The following STK32A variants were observed in gnomAD, a reference collection of about 807,000 sequenced individuals.
STK32A encodes serine/threonine kinase 32A, also known as serine/threonine-protein kinase 32A.
Under a neutral mutation model 53.2 loss-of-function variants are expected in STK32A, and 41 were observed. That is an observed-to-expected ratio of 0.77 (90% CI 0.60 to 1.00). STK32A has a LOEUF of 1.00. STK32A is among the 50% of genes least tolerant of loss of function. STK32A has a pLI of 0.00. For synonymous variants in STK32A, 166 were observed against 162.8 expected (o/e 1.02, Z -0.15); for missense variants, 458 against 485.8 (o/e 0.94, Z 0.54).
At chr5:147,263,848 G>C (rs1021119704) in intron 2 of STK32A, among the ~76,000 whole-genome samples, 5 of 152,106 alleles carry the variant, frequency 3.3e-5, no homozygotes. Context: ...TAAGTTTTCA[G>C]ATTAAAGGAG....
chr5:147,349,187 C>CT (rs1169989103), intron 6 of STK32A, among the ~76,000 whole-genome samples: 2 of 152,044 alleles, frequency 1.3e-5, no homozygotes, highest in Non-Finnish European at 2.9e-5. Context: ...GAGTGGCTAC[C>CT]TTTTTTTTAG....
At chr5:147,249,827 C>A (rs1255936332) in intron 2 of STK32A, among the ~76,000 whole-genome samples, 1 of 147,956 alleles carries the variant, frequency 6.8e-6, no homozygotes, top group East Asian at 2.0e-4. Flanking sequence ...GCAGGAGAAT[C>A]CCTTGAACCC....
chr5:147,333,444 G>A (rs1053915015), intron 5 of STK32A, among the ~76,000 whole-genome samples: 1 of 152,108 alleles, frequency 6.6e-6, no homozygotes, highest in Non-Finnish European at 1.5e-5. Flanking sequence ...TGACAGAGAG[G>A]CTATTTGCAT....
intron 2 of STK32A, among the ~76,000 whole-genome samples, chr5:147,277,487 A>T (rs76786483): frequency 0.03 from 4,523 of 152,260 alleles, 241 homozygotes; most frequent in African/African-American, 0.1. Context: ...TTCTGCACAC[A>T]TATCCATTCT....
chr5:147,263,161 C>T (rs1211731370), intron 2 of STK32A, among the ~76,000 whole-genome samples: 1 of 152,134 alleles, frequency 6.6e-6, no homozygotes, highest in Non-Finnish European at 1.5e-5. Flanking sequence ...CCACTTGGCT[C>T]TGATAATACT....
At chr5:147,328,602 C>A (rs1030845782) in intron 5 of STK32A, among the ~76,000 whole-genome samples, 3 of 152,042 alleles carry the variant, frequency 2.0e-5, no homozygotes, top group Non-Finnish European at 4.4e-5. Context: ...CAAAGAATGG[C>A]CAGTTTGAAG....
intron 6 of STK32A, among the ~76,000 whole-genome samples, chr5:147,346,866 G>C (rs1210778367): frequency 6.6e-6 from 1 of 152,150 alleles, no homozygotes; most frequent in East Asian, 1.9e-4. Flanking sequence ...ATACCATCCT[G>C]TTACAAGGAA....
intron 4 of STK32A, among the ~76,000 whole-genome samples, chr5:147,314,511 AAAAAACAAAAAAAAAC>A (rs1561713401): frequency 6.2e-4 from 6 of 9,612 alleles, no homozygotes; most frequent in African/African-American, 1.8e-3. Flanking sequence ...AAAAAACAAA[AAAAAACAAAAAAAAAC>A]AAAAAAAAAA....
intron 4 of STK32A, among the ~76,000 whole-genome samples, chr5:147,281,451 T>C (rs1752059774): frequency 6.6e-6 from 1 of 151,982 alleles, no homozygotes; most frequent in African/African-American, 2.4e-5. Flanking sequence ...ACTTTAAAAA[T>C]TGCAAAATGC....
At chr5:147,398,927 T>C in the STK32A span, among the ~76,000 whole-genome samples, 1 of 152,206 alleles carries the variant, frequency 6.6e-6, no homozygotes, top group Non-Finnish European at 1.5e-5. Flanking sequence ...AGAAACACAG[T>C]TGAGGTTTTG....
chr5:147,315,129 T>A (rs116857195), intron 4 of STK32A, among the ~76,000 whole-genome samples: 3 of 152,312 alleles, frequency 2.0e-5, no homozygotes, highest in East Asian at 3.9e-4. Flanking sequence ...ATAGTGGGAA[T>A]GTAATGTGGT....
the STK32A span, chr5:147,400,743 C>T: frequency 5.0e-6 from 8 of 1,614,178 alleles, no homozygotes; most frequent in Admixed American, 1.3e-4. Context: ...CATTGGTGCC[C>T]TCAGGAATGG....
intron 4 of STK32A, among the ~76,000 whole-genome samples, chr5:147,295,384 C>A (rs1213250761): frequency 6.6e-6 from 1 of 152,176 alleles, no homozygotes; most frequent in Admixed American, 6.5e-5. Context: ...CAAGTTATTT[C>A]TTTGTTAATC....
chr5:147,395,991 C>A, the STK32A span, among the ~76,000 whole-genome samples: 1 of 151,902 alleles, frequency 6.6e-6, no homozygotes, highest in Non-Finnish European at 1.5e-5. Context: ...TTGGGGTTGC[C>A]AGAGGGAGGA....
chr5:147,399,286 T>C, the STK32A span: 12 of 1,599,200 alleles, frequency 7.5e-6, no homozygotes, highest in East Asian at 2.0e-4. Flanking sequence ...TCTATATCTA[T>C]AGCTACATAT....
chr5:147,333,803 C>T (rs529186675), intron 5 of STK32A, among the ~76,000 whole-genome samples: 40 of 152,162 alleles, frequency 2.6e-4, no homozygotes, highest in East Asian at 5.8e-4. Flanking sequence ...TCTTATATAA[C>T]GCAAACATTA....
At chr5:147,276,623 C>A (rs1323840573) in intron 2 of STK32A, among the ~76,000 whole-genome samples, 2 of 152,084 alleles carry the variant, frequency 1.3e-5, no homozygotes, top group Non-Finnish European at 2.9e-5. Flanking sequence ...ACTACCTAAG[C>A]CAGGAATTTT....
At chr5:147,316,179 T>C (rs1010647078) in intron 4 of STK32A, among the ~76,000 whole-genome samples, 1 of 152,208 alleles carries the variant, frequency 6.6e-6, no homozygotes, top group African/African-American at 2.4e-5. Flanking sequence ...GTATTTATAA[T>C]GATATCATTG....
chr5:147,346,199 G>A (rs531288759), intron 6 of STK32A, among the ~76,000 whole-genome samples: 1 of 152,262 alleles, frequency 6.6e-6, no homozygotes, highest in South Asian at 2.1e-4. Context: ...CTGCCTTTTA[G>A]AGTGTCTGCT....
Sources: gnomAD v4.1 joint callset for allele counts (sites outside exome capture counted in the v4.1 genomes callset) on GRCh38, gnomAD v4.1.1 for gene constraint, MANE v1.5 for transcripts, NCBI Gene and HGNC (gene_info 2026-07-23, HGNC 2026-07-21) for gene names.